The following NR2C1 variants were observed in gnomAD, a reference collection of about 807,000 sequenced individuals.
NR2C1 encodes nuclear receptor subfamily 2 group C member 1.
In NR2C1, 33 loss-of-function variants were observed where a neutral mutation model predicts 74.8. The observed-to-expected ratio is 0.44, with a 90% confidence interval of 0.33 to 0.59. The LOEUF (loss-of-function observed/expected upper bound fraction) is 0.59. Among genes scored for constraint, NR2C1 ranks in the 20% least tolerant of loss-of-function variants. The pLI is 0.02. For synonymous variants in NR2C1, 225 were observed against 240.6 expected, an observed-to-expected ratio of 0.94 and a Z score of 0.60; for missense variants, 568 against 715.6, an observed-to-expected ratio of 0.79 and a Z score of 2.35.
intron 12 of NR2C1, among the ~76,000 whole-genome samples, chr12:95,025,938 G>C (rs1869307767): frequency 1.3e-5 from 2 of 151,928 alleles, no homozygotes; most frequent in Admixed American, 6.6e-5. Flanking sequence ...TGGGTGTGGT[G>C]GCTCATGCCT....
chr12:95,056,466 C>G (rs150234908), intron 7 of NR2C1, among the ~76,000 whole-genome samples: 136 of 152,260 alleles, frequency 8.9e-4, no homozygotes, highest in African/African-American at 3.0e-3. Context: ...CTGCTCCAAT[C>G]TCTAAGAGAA....
intron 8 of NR2C1, among the ~76,000 whole-genome samples, chr12:95,050,323 G>T (rs1001726028): frequency 4.6e-5 from 7 of 151,968 alleles, no homozygotes; most frequent in African/African-American, 1.7e-4. Context: ...TTTTGTTGTT[G>T]TTTGAGACAG....
In NR2C1 at chr12:95,022,139, T is replaced by C. The variant is rs1471598052; in HGVS notation, c.*90A>G. 1.9e-6 allele frequency: 2 copies of C among 1,074,200 alleles called. No individual in the cohort carries two copies. The highest frequency in any genetic ancestry group is 2.5e-6 in the Non-Finnish European group (2 of 785,060). 66.5% of individuals were successfully genotyped at this position (1,074,200 alleles called of 1,614,324 possible). ...TTCTGGTTACTTTTTAAAGTAAAAA[T>C]TTCCAGATGCCTCAAAAGCAGTGAG... is the stretch of plus-strand genomic sequence containing the variant. On this transcript the variant is annotated 3_prime_UTR_variant, in exon 14 of 14. Coordinates refer to ENST00000333003, the MANE Select transcript of NR2C1 (RefSeq NM_003297.4).
intron 11 of NR2C1, chr12:95,030,304 G>A (rs934486348): frequency 1.6e-5 from 7 of 440,314 alleles, no homozygotes; most frequent in Non-Finnish European, 2.4e-5. Flanking sequence ...ATATTGGTTG[G>A]GAAAAAATGA....
At chr12:95,048,975 C>CT in intron 9 of NR2C1, 93 bp downstream of exon 9, 1 of 1,198,774 alleles carries the variant, frequency 8.3e-7, no homozygotes. Flanking sequence ...ATATTTCTGA[C>CT]TTTAAAAGCA....
chr12:95,026,123 C>T (rs1403602377), intron 12 of NR2C1, among the ~76,000 whole-genome samples: 1 of 151,486 alleles, frequency 6.6e-6, no homozygotes, highest in African/African-American at 2.4e-5. Context: ...AGGAGAATCG[C>T]TTGAAACCAG....
rs760563563 is a variant in NR2C1, at chr12:95,028,539, A to C, written c.1394-15T>G. On this transcript the variant is annotated splice_polypyrimidine_tract_variant and intron_variant, in intron 11 of 13. Transcript: ENST00000333003. ...TGACATTTTATCTTTAATTAAAAAT[A>C]AACAAATGCTTCTAGTGTTTGTCTA... The C allele has an allele frequency of 1.4e-6, 2 of 1,443,040 alleles. No individual in the cohort carries two copies. Among genetic ancestry groups the C allele is most frequent in the East Asian group, 4.5e-5 (2 of 44,026 alleles). 89.4% of individuals were successfully genotyped at this position (1,443,040 alleles called of 1,614,324 possible).
chr12:95,053,891 G>A (rs1475751059), intron 7 of NR2C1, among the ~76,000 whole-genome samples: 1 of 151,998 alleles, frequency 6.6e-6, no homozygotes, highest in Non-Finnish European at 1.5e-5. Flanking sequence ...CACTGTGTTA[G>A]CCAGGACAGT....
chr12:95,068,927 C>T (rs1267511159), intron 1 of NR2C1, among the ~76,000 whole-genome samples: 1 of 151,916 alleles, frequency 6.6e-6, no homozygotes, highest in Non-Finnish European at 1.5e-5. Flanking sequence ...CGTGCCACTG[C>T]ACTCCAGCCT....
chr12:95,027,284 C>T (rs1366695115), intron 12 of NR2C1, among the ~76,000 whole-genome samples: 1 of 152,122 alleles, frequency 6.6e-6, no homozygotes, highest in Non-Finnish European at 1.5e-5. Context: ...TGGTCTCAAA[C>T]TCCTGACCAG....
intron 4 of NR2C1, among the ~76,000 whole-genome samples, chr12:95,059,027 C>T (rs1874338353): frequency 6.6e-6 from 1 of 152,088 alleles, no homozygotes; most frequent in Non-Finnish European, 1.5e-5. Context: ...TACAGCTGGG[C>T]GTGGTAACTC....
At chr12:95,030,806 G>A (rs747976903) in intron 11 of NR2C1, 1 of 1,613,402 alleles carries the variant, frequency 6.2e-7, no homozygotes, top group East Asian at 2.2e-5. Flanking sequence ...CCATTCTATA[G>A]TTAAGCATTT....
At chr12:95,034,641 A>G (rs752700304) in intron 10 of NR2C1, among the ~76,000 whole-genome samples, 6 of 152,234 alleles carry the variant, frequency 3.9e-5, no homozygotes, top group South Asian at 2.1e-4. Flanking sequence ...ACAATGTACC[A>G]CATATACAAT....
chr12:95,054,273 G>A (rs144255950), intron 7 of NR2C1, among the ~76,000 whole-genome samples: 2 of 151,668 alleles, frequency 1.3e-5, no homozygotes, highest in East Asian at 1.9e-4. Flanking sequence ...TAGTAGAGGT[G>A]GGACTGGCTG....
At chr12:95,059,848 G>A (rs571467007) in intron 4 of NR2C1, 58 bp downstream of exon 4, 32 of 1,214,000 alleles carry the variant, frequency 2.6e-5, no homozygotes, top group Middle Eastern at 2.0e-4. Context: ...TCAACAACAC[G>A]ACACATATAG....
At chr12:95,064,412 T>C (rs1197088138) in intron 2 of NR2C1, among the ~76,000 whole-genome samples, 1 of 151,906 alleles carries the variant, frequency 6.6e-6, no homozygotes, top group Non-Finnish European at 1.5e-5. Flanking sequence ...AATATCTGGT[T>C]ATGACATATG....
intron 8 of NR2C1, chr12:95,049,595 C>T (rs1295987820): frequency 6.3e-6 from 1 of 159,562 alleles, no homozygotes; most frequent in African/African-American, 2.4e-5. Context: ...AAGACCCTGT[C>T]TCAATTAAAC....
At chr12:95,059,837 T>C in intron 4 of NR2C1, 69 bp downstream of exon 4, 1 of 1,116,566 alleles carries the variant, frequency 9.0e-7, no homozygotes, top group Non-Finnish European at 1.3e-6. Flanking sequence ...TGGTAGTTAT[T>C]TCAACAACAC....
intron 10 of NR2C1, among the ~76,000 whole-genome samples, chr12:95,033,919 T>C (rs1271387803): frequency 6.6e-6 from 1 of 152,228 alleles, no homozygotes; most frequent in African/African-American, 2.4e-5. Flanking sequence ...CAGACTTTAT[T>C]ATAAATAAGA....
Sources: gnomAD v4.1 joint callset for allele counts (sites outside exome capture counted in the v4.1 genomes callset) on GRCh38, gnomAD v4.1.1 for gene constraint, MANE v1.5 for transcripts, NCBI Gene and HGNC (gene_info 2026-07-23, HGNC 2026-07-21) for gene names.